ARHGAP21: variants seen among roughly 807,000 people sequenced by gnomAD.
ARHGAP21 encodes the protein Rho GTPase activating protein 21, also known as rho GTPase-activating protein 21.
In ARHGAP21, 38 loss-of-function variants were observed where a neutral mutation model predicts 164.6. That is an observed-to-expected ratio of 0.23 (90% CI 0.18 to 0.30). ARHGAP21 has a LOEUF of 0.30. Ranked by LOEUF, ARHGAP21 falls within the 10% of genes least tolerant of loss-of-function variation. ARHGAP21 has a pLI of 1.00. For missense variants in ARHGAP21, 1,822 were observed against 2,370.7 expected (o/e 0.77, Z 4.81); for synonymous variants, 766 against 857.9 (o/e 0.89, Z 1.87).
At chr10:24,687,350 C>T (rs946358197) in intron 2 of ARHGAP21, among the ~76,000 whole-genome samples, 7 of 152,218 alleles carry the variant, frequency 4.6e-5, no homozygotes, top group African/African-American at 1.7e-4. Context: ...AGCAGGACCT[C>T]AAAAATGAAT....
chr10:24,689,926 ATGTATATG>A (rs556541011), intron 2 of ARHGAP21, among the ~76,000 whole-genome samples: 67 of 37,186 alleles, frequency 1.8e-3, no homozygotes, highest in African/African-American at 6.6e-3. Flanking sequence ...ATGTATATGT[ATGTATATG>A]TATATATGTA....
At chr10:24,652,857 G>A (rs183243351) in intron 4 of ARHGAP21, among the ~76,000 whole-genome samples, 131 of 152,158 alleles carry the variant, frequency 8.6e-4, no homozygotes, top group African/African-American at 2.8e-3. Flanking sequence ...ACTGTTTAGC[G>A]GCATCTACTA....
intron 6 of ARHGAP21, among the ~76,000 whole-genome samples, chr10:24,633,136 T>C (rs1836002875): frequency 6.6e-6 from 1 of 152,192 alleles, no homozygotes. Context: ...ATAAAAGGGG[T>C]AAACACAGTA....
chr10:24,614,561 G>A (rs1410173061), intron 9 of ARHGAP21, among the ~76,000 whole-genome samples: 3 of 152,024 alleles, frequency 2.0e-5, no homozygotes, highest in Admixed American at 6.6e-5. Flanking sequence ...GGGAGGTTGA[G>A]GCAGGCGGAT....
chr10:24,607,275 G>A (rs1193524465), intron 11 of ARHGAP21, among the ~76,000 whole-genome samples: 1 of 152,192 alleles, frequency 6.6e-6, no homozygotes, highest in African/African-American at 2.4e-5. Flanking sequence ...CTGAATGGCT[G>A]CAGTTTCTAG....
At chr10:24,617,306 G>A (rs918657165) in intron 9 of ARHGAP21, among the ~76,000 whole-genome samples, 1 of 151,986 alleles carries the variant, frequency 6.6e-6, no homozygotes, top group Non-Finnish European at 1.5e-5. Flanking sequence ...CTACTCCAAT[G>A]TAATCTGATT....
At chr10:24,714,657 T>A (rs984067723) in intron 2 of ARHGAP21, among the ~76,000 whole-genome samples, 1 of 152,140 alleles carries the variant, frequency 6.6e-6, no homozygotes, top group South Asian at 2.1e-4. Flanking sequence ...AAACACAAAA[T>A]TAAAATTAAA....
At position 24,692,854 on chromosome 10, in the gene ARHGAP21, A is replaced by T. The variant is rs188952159; in HGVS notation, c.64-22457T>A. On this transcript the variant is annotated intron_variant, in intron 2 of 25. Coordinates refer to ENST00000396432, the MANE Select transcript of ARHGAP21 (RefSeq NM_020824.4). ...AAAAAATAAAAAAAATAAAAAAATT[A>T]AAAAAAAAAAGAGTAGGATAAACTG... Among the ~76,000 whole-genome samples the T allele has an allele frequency of 6.6e-4, 98 of 147,694 alleles. No homozygotes were observed. In the East Asian group the frequency reaches 0.01, roughly 15 times the overall value.
chr10:24,680,028 T>A, intron 2 of ARHGAP21, among the ~76,000 whole-genome samples: 1 of 151,832 alleles, frequency 6.6e-6, no homozygotes, highest in East Asian at 1.9e-4. Context: ...ACTTAAAGTA[T>A]AATAATTAAA....
intron 6 of ARHGAP21, 24 bp downstream of exon 6, chr10:24,633,378 G>A: frequency 6.5e-7 from 1 of 1,527,876 alleles, no homozygotes; most frequent in Non-Finnish European, 9.0e-7. Context: ...CCATCTTTGG[G>A]TTTTAATGTT....
At chr10:24,589,623 G>C (rs1025454164) in intron 24 of ARHGAP21, 1 of 261,152 alleles carries the variant, frequency 3.8e-6, no homozygotes, top group African/African-American at 2.3e-5. Context: ...GAAGCTTCAG[G>C]ACAGTGTAAT....
At chr10:24,597,159 A>C (rs182196321) in intron 16 of ARHGAP21, among the ~76,000 whole-genome samples, 1 of 152,002 alleles carries the variant, frequency 6.6e-6, no homozygotes, top group Admixed American at 6.6e-5. Context: ...GAAAAGTAAT[A>C]GTTTTATTTC....
chr10:24,688,164 G>T (rs1393849693), intron 2 of ARHGAP21, among the ~76,000 whole-genome samples: 2 of 152,230 alleles, frequency 1.3e-5, no homozygotes, highest in Non-Finnish European at 2.9e-5. Flanking sequence ...GCCTAGGCGG[G>T]TGGATCACCT....
intron 24 of ARHGAP21, chr10:24,589,534 G>A (rs777877568): frequency 4.5e-5 from 21 of 468,508 alleles, no homozygotes; most frequent in Non-Finnish European, 7.1e-5. Flanking sequence ...TGATAGAAAT[G>A]GCAAAGGAGC....
chr10:24,660,908 G>C (rs765113065), intron 4 of ARHGAP21, among the ~76,000 whole-genome samples: 1 of 151,946 alleles, frequency 6.6e-6, no homozygotes, highest in African/African-American at 2.4e-5. Context: ...GCTAAATATC[G>C]GATGTTCTGC....
chr10:24,678,951 T>C (rs766179023), intron 2 of ARHGAP21, among the ~76,000 whole-genome samples: 57 of 152,366 alleles, frequency 3.7e-4, no homozygotes, highest in Non-Finnish European at 5.4e-4. Flanking sequence ...TTCATTCCTT[T>C]TCATTGCTGA....
At chr10:24,671,719 C>CA (rs1349824708) in intron 2 of ARHGAP21, among the ~76,000 whole-genome samples, 2 of 149,468 alleles carry the variant, frequency 1.3e-5, no homozygotes, top group Non-Finnish European at 3.0e-5. Context: ...TTAATCTTAA[C>CA]AAAATTTTTT....
intron 2 of ARHGAP21, among the ~76,000 whole-genome samples, chr10:24,679,576 CCAG>C (rs1841581487): frequency 6.6e-6 from 1 of 152,208 alleles, no homozygotes; most frequent in East Asian, 1.9e-4. Flanking sequence ...TACATGCCCA[CCAG>C]CAGTGTATAA....
intron 2 of ARHGAP21, among the ~76,000 whole-genome samples, chr10:24,682,878 G>A (rs564434613): frequency 2.0e-5 from 3 of 152,018 alleles, no homozygotes; most frequent in East Asian, 1.9e-4. Flanking sequence ...GGCGGATCAC[G>A]AGGTCAGGAG....
Sources: gnomAD v4.1 joint callset for allele counts (sites outside exome capture counted in the v4.1 genomes callset) on GRCh38, gnomAD v4.1.1 for gene constraint, MANE v1.5 for transcripts, NCBI Gene and HGNC (gene_info 2026-07-23, HGNC 2026-07-21) for gene names.